The following RBFOX1 variants were observed in gnomAD, a reference collection of about 807,000 sequenced individuals.
The protein encoded by RBFOX1 is RNA binding protein fox-1 homolog 1.
In RBFOX1, 8 loss-of-function variants were observed where a neutral mutation model predicts 57.7. The ratio of observed to expected loss-of-function variants is 0.14; its 90% CI spans 0.08 to 0.25. RBFOX1 has a LOEUF of 0.25. RBFOX1 is among the 10% of genes least tolerant of loss of function. The probability of loss-of-function intolerance (pLI) is 1.00; values close to 1 mark genes in which losing one functional copy is unlikely to be tolerated. For missense variants in RBFOX1, 611 were observed against 548.5 expected, an observed-to-expected ratio of 1.11 and a Z score of -1.14; for synonymous variants, 326 against 222.4, an observed-to-expected ratio of 1.47 and a Z score of -4.15.
intron 11 of RBFOX1, among the ~76,000 whole-genome samples, chr16:7,651,997 G>A (rs2065159986): frequency 6.6e-6 from 1 of 152,086 alleles, no homozygotes; most frequent in Non-Finnish European, 1.5e-5. Context: ...GCCCTGATGA[G>A]TTAGGATTTG....
At chr16:6,620,741 A>G (rs999732093) in intron 2 of RBFOX1, among the ~76,000 whole-genome samples, 1 of 152,214 alleles carries the variant, frequency 6.6e-6, no homozygotes, top group Non-Finnish European at 1.5e-5. Flanking sequence ...CACATAAACT[A>G]GAAACTCTGA....
intron 4 of RBFOX1, among the ~76,000 whole-genome samples, chr16:7,454,253 A>G (rs936498057): frequency 1.3e-5 from 2 of 152,168 alleles, no homozygotes; most frequent in South Asian, 4.1e-4. Context: ...CCCCAAAAAA[A>G]GTCATAGCCA....
intron 2 of RBFOX1, among the ~76,000 whole-genome samples, chr16:5,510,658 T>A (rs1302413979): frequency 6.6e-6 from 1 of 152,188 alleles, no homozygotes; most frequent in East Asian, 1.9e-4. Context: ...AGCAGGGTTT[T>A]CCTTGTAGGT....
intron 2 of RBFOX1, among the ~76,000 whole-genome samples, chr16:6,541,889 G>A (rs1481780090): frequency 6.6e-6 from 1 of 152,042 alleles, no homozygotes; most frequent in African/African-American, 2.4e-5. Flanking sequence ...GTTTACATCA[G>A]GCTCTGTGCA....
chr16:6,673,304 G>T (rs1224375930), intron 3 of RBFOX1, among the ~76,000 whole-genome samples: 2 of 152,014 alleles, frequency 1.3e-5, no homozygotes, highest in Non-Finnish European at 2.9e-5. Context: ...AAAATGTATT[G>T]AGGCCAGGCG....
At chr16:5,327,298 C>T (rs1158617956) in intron 1 of RBFOX1, among the ~76,000 whole-genome samples, 2 of 152,138 alleles carry the variant, frequency 1.3e-5, no homozygotes, top group Non-Finnish European at 2.9e-5. Flanking sequence ...TCTATTGAGT[C>T]TGTATCCCTG....
At chr16:5,271,306 A>G (rs1290968449) in intron 1 of RBFOX1, among the ~76,000 whole-genome samples, 2 of 152,206 alleles carry the variant, frequency 1.3e-5, no homozygotes, top group East Asian at 3.8e-4. Flanking sequence ...GCAGTGAACT[A>G]TGATTGTGAC....
chr16:6,906,374 C>T (rs184267848), intron 3 of RBFOX1, among the ~76,000 whole-genome samples: 15 of 151,822 alleles, frequency 9.9e-5, no homozygotes, highest in Non-Finnish European at 1.5e-5. Context: ...GTAATAACAC[C>T]GAAACTCATA....
intron 3 of RBFOX1, among the ~76,000 whole-genome samples, chr16:6,724,678 C>G (rs909641602): frequency 1.3e-5 from 2 of 152,104 alleles, no homozygotes; most frequent in African/African-American, 4.8e-5. Context: ...AAGACTGCCT[C>G]AAAGTCAACA....
At chr16:7,676,941 G>T in intron 14 of RBFOX1, 103 bp downstream of exon 14, 1 of 1,205,078 alleles carries the variant, frequency 8.3e-7, no homozygotes, top group Non-Finnish European at 1.2e-6. Context: ...TGACTGCTGG[G>T]GGAGGTAGCA....
chr16:5,768,031 T>A (rs2053847775), intron 3 of RBFOX1, among the ~76,000 whole-genome samples: 1 of 152,214 alleles, frequency 6.6e-6, no homozygotes, highest in African/African-American at 2.4e-5. Flanking sequence ...CTCACCCAGC[T>A]ATGCAATTAT....
At chr16:6,556,986 T>TATATACATAC (rs2099458442) in intron 2 of RBFOX1, among the ~76,000 whole-genome samples, 2 of 132,170 alleles carry the variant, frequency 1.5e-5, no homozygotes, top group African/African-American at 2.7e-5. Context: ...CACATACGTA[T>TATATACATAC]ATATACATAC....
At chr16:5,382,011 C>A (rs2066143107) in intron 1 of RBFOX1, among the ~76,000 whole-genome samples, 1 of 152,220 alleles carries the variant, frequency 6.6e-6, no homozygotes, top group East Asian at 1.9e-4. Context: ...TTCATCTCCC[C>A]AAACTGGGAC....
At chr16:7,065,723 C>T (rs148960316) in intron 4 of RBFOX1, among the ~76,000 whole-genome samples, 54 of 152,196 alleles carry the variant, frequency 3.5e-4, no homozygotes, top group African/African-American at 1.1e-3. Flanking sequence ...TACCTGTAGC[C>T]GCCATGTTGC....
chr16:5,490,000 C>G (rs1003546965), intron 2 of RBFOX1, among the ~76,000 whole-genome samples: 2 of 152,186 alleles, frequency 1.3e-5, no homozygotes, highest in Admixed American at 6.5e-5. Flanking sequence ...TGCTGTCTGT[C>G]TTGGTGCTGC....
intron 2 of RBFOX1, among the ~76,000 whole-genome samples, chr16:6,577,802 T>C (rs935663199): frequency 3.9e-5 from 6 of 152,110 alleles, no homozygotes; most frequent in South Asian, 2.1e-4. Context: ...CCCTCCTGTA[T>C]CCCTACTATG....
At chr16:5,554,431 G>C (rs890788113) in intron 2 of RBFOX1, among the ~76,000 whole-genome samples, 4 of 152,112 alleles carry the variant, frequency 2.6e-5, no homozygotes, top group African/African-American at 9.6e-5. Context: ...TTCAAAAGAG[G>C]TTCTTCTAAA....
intron 4 of RBFOX1, among the ~76,000 whole-genome samples, chr16:7,351,041 C>T (rs2097121854): frequency 2.0e-5 from 3 of 152,186 alleles, no homozygotes; most frequent in Non-Finnish European, 4.4e-5. Context: ...CTAGGTTTTC[C>T]ATCACAGGAC....
intron 4 of RBFOX1, among the ~76,000 whole-genome samples, chr16:7,372,025 A>G (rs1440236603): frequency 6.6e-6 from 1 of 152,102 alleles, no homozygotes; most frequent in Non-Finnish European, 1.5e-5. Context: ...TATCTGATAG[A>G]GATATTTAAA....
Sources: gnomAD v4.1 joint callset for allele counts (sites outside exome capture counted in the v4.1 genomes callset) on GRCh38, gnomAD v4.1.1 for gene constraint, MANE v1.5 for transcripts, NCBI Gene and HGNC (gene_info 2026-07-23, HGNC 2026-07-21) for gene names.